VSTM5: variants seen among roughly 807,000 people sequenced by gnomAD.
VSTM5 encodes V-set and transmembrane domain containing 5, also known as V-set and transmembrane domain-containing protein 5.
VSTM5 carries 21 observed loss-of-function variants against 20.3 expected under a neutral mutation model. The observed-to-expected ratio is 1.03, with a 90% CI of 0.73 to 1.49. The LOEUF is 1.49. VSTM5 is among the 40% of genes most tolerant of loss of function. VSTM5 has a pLI of 0.00. For missense variants in VSTM5, 219 were observed against 250.0 expected (o/e 0.88, Z 0.84); for synonymous variants, 100 against 102.5 (o/e 0.98, Z 0.14).
chr11:93,837,141 C>A (rs967819349), intron 1 of VSTM5, among the ~76,000 whole-genome samples: 1 of 152,126 alleles, frequency 6.6e-6, no homozygotes, highest in Non-Finnish European at 1.5e-5. Context: ...AAGTGATTCT[C>A]CTGCCTCAGC....
intron 1 of VSTM5, among the ~76,000 whole-genome samples, chr11:93,840,477 G>A (rs916786966): frequency 1.3e-5 from 2 of 152,212 alleles, no homozygotes; most frequent in Non-Finnish European, 2.9e-5. Flanking sequence ...CACAACGCCT[G>A]AAGCCAAAGA....
At chr11:93,850,033 C>A (rs1944445547) in intron 1 of VSTM5, among the ~76,000 whole-genome samples, 1 of 152,222 alleles carries the variant, frequency 6.6e-6, no homozygotes, top group Non-Finnish European at 1.5e-5. Flanking sequence ...TCTGGTTATT[C>A]CAGGAAAAAG....
Position 93,821,168 on chromosome 11 carries a change from G to C in VSTM5, c.247C>G (p.Pro83Ala), listed in dbSNP as rs756863979. 3.2e-6 allele frequency: 5 copies of C among 1,552,182 alleles called. No individual in the cohort carries two copies. In the South Asian group the frequency reaches 5.9e-5, roughly 18 times the overall value. The change falls in exon 2 of 4, where the codon CCA (proline) becomes GCA (alanine). Residue 83 changes from proline to alanine, a missense_variant. Transcript: ENST00000409977. ...TGAGAGATGTTGGCCTGAGTCCCTG[G>C]TTTCCACTCCACGATCTTCTGCGTT... ...WGTQKIVEWKPGTQANISQSH... is the reference protein window; with the variant it reads ...WGTQKIVEWKAGTQANISQSH...
At chr11:93,824,769 A>G (rs1263459149) in intron 1 of VSTM5, among the ~76,000 whole-genome samples, 2 of 151,974 alleles carry the variant, frequency 1.3e-5, no homozygotes, top group African/African-American at 2.4e-5. Flanking sequence ...TTTTTCCCCT[A>G]TTTTCCCTTC....
intron 1 of VSTM5, among the ~76,000 whole-genome samples, chr11:93,843,761 T>C (rs1591403593): frequency 6.6e-6 from 1 of 152,296 alleles, no homozygotes; most frequent in South Asian, 2.1e-4. Context: ...CATCTAGCTG[T>C]CTTCCCTGGC....
Position 93,820,427 on chromosome 11 carries a change from G to T in VSTM5, c.*142C>A. 1 of 841,740 alleles carries T rather than the reference G, an allele frequency of 1.2e-6. No individual in the cohort carries two copies. Among genetic ancestry groups the T allele is most frequent in the Non-Finnish European group, 1.9e-6 (1 of 530,090 alleles). 52.1% of individuals were successfully genotyped at this position (841,740 alleles called of 1,614,324 possible). A position where few individuals can be genotyped will look rare whatever the true frequency, so the allele number is the denominator to read the frequency against. On this transcript the variant is annotated 3_prime_UTR_variant, in exon 4 of 4. Coordinates refer to ENST00000409977, the MANE Select transcript of VSTM5 (RefSeq NM_001144871.2). ...CATCCACAGTCCTCAACTCCATGCA[G>T]TCAATGTTGTTAATCTCCCACTGTC...
At chr11:93,847,269 C>T (rs1206799709) in intron 1 of VSTM5, among the ~76,000 whole-genome samples, 4 of 152,160 alleles carry the variant, frequency 2.6e-5, no homozygotes, top group Admixed American at 2.6e-4. Flanking sequence ...ACATGGATGG[C>T]AGCGTTGGGC....
Position 93,846,745 on chromosome 11 carries a change from A to G in VSTM5, c.91+3667T>C, listed in dbSNP as rs114118691. Among the ~76,000 whole-genome samples, 1,413 of 147,020 alleles carry G rather than the reference A, an allele frequency of 9.6e-3. 30 individuals carry two copies. Among genetic ancestry groups the G allele is most frequent in the African/African-American group, 0.032 (1,290 of 39,816 alleles). ...TGAATAAACAGTACAGAATGAATGC[A>G]TTTTTAAAAAATTTTTTTTAATTTT... On this transcript the variant is annotated intron_variant, in intron 1 of 3. Coordinates refer to ENST00000409977, the MANE Select transcript of VSTM5 (RefSeq NM_001144871.2).
At chr11:93,840,463 C>T (rs1304049276) in intron 1 of VSTM5, among the ~76,000 whole-genome samples, 3 of 152,222 alleles carry the variant, frequency 2.0e-5, no homozygotes, top group Non-Finnish European at 4.4e-5. Flanking sequence ...TCCTTTACAG[C>T]AGGCACAACG....
rs1242683347 is a variant in VSTM5 at position 93,818,893 on chromosome 11, G to A, written c.*1676C>T. The stretch of plus-strand genomic sequence containing the variant: ...ACATAGTGTGTGAGTTTACCCGTGT[G>A]TCTACAGGAGGCGCCTTGAGGGTAT... On this transcript the variant is annotated 3_prime_UTR_variant, in exon 4 of 4. Transcript: ENST00000409977. The A allele has an allele frequency of 6.6e-6, 1 of 152,262 alleles. No individual in the cohort carries two copies. The highest frequency in any genetic ancestry group is 2.4e-5 in the African/African-American group (1 of 41,450). 9.4% of individuals were successfully genotyped at this position (152,262 alleles called of 1,614,324 possible).
chr11:93,831,228 C>T (rs1944281290), intron 1 of VSTM5, among the ~76,000 whole-genome samples: 1 of 151,928 alleles, frequency 6.6e-6, no homozygotes, highest in African/African-American at 2.4e-5. Context: ...AGGGTTTCAC[C>T]ATGGTGTTCA....
chr11:93,825,450 G>A (rs1024721997), intron 1 of VSTM5, among the ~76,000 whole-genome samples: 1 of 152,204 alleles, frequency 6.6e-6, no homozygotes, highest in Non-Finnish European at 1.5e-5. Context: ...GATTACATGC[G>A]TGAGCCACTG....
intron 1 of VSTM5, among the ~76,000 whole-genome samples, chr11:93,826,169 G>A (rs1346383132): frequency 6.6e-6 from 1 of 152,016 alleles, no homozygotes; most frequent in African/African-American, 2.4e-5. Flanking sequence ...GAGCCCAGGA[G>A]TTCCAGGCTG....
At position 93,820,762 on chromosome 11, in the gene VSTM5, C is replaced by T; in HGVS notation, c.540G>A (p.Lys180=). The change falls in exon 3 of 4, where the codon AAG becomes AAA. Residue 180 remains lysine (K), a synonymous_variant. Coordinates refer to ENST00000409977, the MANE Select transcript of VSTM5 (RefSeq NM_001144871.2). The stretch of plus-strand genomic sequence containing the variant: ...GGTTACCTTTGAGTTTGTGTCTTCT[C>T]TTCCTCTGAAATTTATATGCACACT... ...CNKCAYKFQR[K]RRHKLKESTT... 1 of 1,551,694 alleles carries T rather than the reference C, an allele frequency of 6.4e-7. No individual in the cohort carries two copies. The highest frequency in any genetic ancestry group is 1.4e-5 in the African/African-American group (1 of 73,164).
intron 1 of VSTM5, among the ~76,000 whole-genome samples, chr11:93,824,976 A>G (rs754111721): frequency 3.3e-5 from 5 of 152,214 alleles, no homozygotes; most frequent in South Asian, 2.1e-4. Context: ...TTGACCATAT[A>G]TAAGTGCCTT....
intron 1 of VSTM5, among the ~76,000 whole-genome samples, chr11:93,829,972 G>A (rs1226740501): frequency 6.6e-6 from 1 of 152,190 alleles, no homozygotes; most frequent in Non-Finnish European, 1.5e-5. Context: ...ATTTAAGGTG[G>A]GGCATAAATA....
At chr11:93,845,582 C>G (rs1365574726) in intron 1 of VSTM5, among the ~76,000 whole-genome samples, 1 of 152,182 alleles carries the variant, frequency 6.6e-6, no homozygotes, top group East Asian at 1.9e-4. Context: ...CCCATCCCTC[C>G]CACTCTCATT....
intron 1 of VSTM5, among the ~76,000 whole-genome samples, chr11:93,850,079 C>T (rs1413233036): frequency 1.3e-5 from 2 of 152,228 alleles, no homozygotes; most frequent in African/African-American, 4.8e-5. Flanking sequence ...GGCCACAGGG[C>T]TGGGAGCCGG....
chr11:93,826,335 C>T (rs1263579055), intron 1 of VSTM5, among the ~76,000 whole-genome samples: 3 of 152,086 alleles, frequency 2.0e-5, no homozygotes, highest in Non-Finnish European at 4.4e-5. Context: ...TTCTTCTGCT[C>T]TTCTTTTTCT....
Sources: allele counts gnomAD v4.1 joint callset (sites outside exome capture counted in the v4.1 genomes callset), GRCh38; gene constraint gnomAD v4.1.1; transcripts MANE v1.5; gene names NCBI Gene and HGNC (gene_info 2026-07-23, HGNC 2026-07-21).